AGBL1: variants seen among roughly 807,000 people sequenced by gnomAD.
The protein encoded by AGBL1 is cytosolic carboxypeptidase 4.
Under a neutral mutation model 118.9 loss-of-function variants are expected in AGBL1, and 130 were observed. That is an observed-to-expected ratio of 1.09 (90% confidence interval 0.95 to 1.26). The LOEUF is 1.26. AGBL1 is among the 50% of genes most tolerant of loss of function. AGBL1 has a pLI of 0.00. For missense variants in AGBL1, 1,584 were observed against 1,298.1 expected (o/e 1.22, Z -3.38); for synonymous variants, 555 against 478.9 (o/e 1.16, Z -2.08).
At chr15:86,731,115 G>A (rs993292325) in intron 22 of AGBL1, among the ~76,000 whole-genome samples, 1 of 152,152 alleles carries the variant, frequency 6.6e-6, no homozygotes, top group African/African-American at 2.4e-5. Context: ...ACAGGTGTAA[G>A]CCACTGCACC....
chr15:86,149,247 A>G (rs2077073881), intron 3 of AGBL1, among the ~76,000 whole-genome samples: 1 of 152,230 alleles, frequency 6.6e-6, no homozygotes, highest in Admixed American at 6.5e-5. Flanking sequence ...AGCTGACATG[A>G]TAACGACAGG....
chr15:86,514,828 T>C (rs12439183), intron 18 of AGBL1, among the ~76,000 whole-genome samples: 69,198 of 151,938 alleles, frequency 0.46, 16,548 homozygotes, highest in East Asian at 0.69. Context: ...TTATTGTTCA[T>C]CTCCTTCATT....
chr15:86,890,031 T>C (rs2080028834), intron 22 of AGBL1, among the ~76,000 whole-genome samples: 1 of 152,184 alleles, frequency 6.6e-6, no homozygotes, highest in East Asian at 1.9e-4. Context: ...AAAGTGTTCC[T>C]TTTTCTCTGC....
intron 17 of AGBL1, among the ~76,000 whole-genome samples, chr15:86,317,350 C>G (rs1476508623): frequency 6.6e-6 from 1 of 152,078 alleles, no homozygotes; most frequent in Non-Finnish European, 1.5e-5. Context: ...ATATCCTATC[C>G]GCACAGAGAT....
intron 18 of AGBL1, among the ~76,000 whole-genome samples, chr15:86,398,337 G>A (rs2081397614): frequency 6.6e-6 from 1 of 152,132 alleles, no homozygotes; most frequent in African/African-American, 2.4e-5. Context: ...CATCCACAAA[G>A]AGGTCTTTCA....
At chr15:86,757,092 T>C (rs1013610119) in intron 22 of AGBL1, among the ~76,000 whole-genome samples, 1 of 152,062 alleles carries the variant, frequency 6.6e-6, no homozygotes, top group African/African-American at 2.4e-5. Context: ...CAGTATACGA[T>C]TTTCTGAGTA....
intron 17 of AGBL1, among the ~76,000 whole-genome samples, chr15:86,299,376 A>T (rs1444358237): frequency 6.6e-6 from 1 of 152,124 alleles, no homozygotes; most frequent in Non-Finnish European, 1.5e-5. Context: ...GCCTGGCATC[A>T]GGGACTCTGA....
intron 20 of AGBL1, among the ~76,000 whole-genome samples, chr15:86,553,146 C>T (rs781107000): frequency 1.6e-4 from 24 of 152,188 alleles, no homozygotes; most frequent in Non-Finnish European, 2.8e-4. Context: ...TAAGGCTTCA[C>T]TATTGTCTAA....
intron 22 of AGBL1, among the ~76,000 whole-genome samples, chr15:86,687,096 C>T (rs1728946272): frequency 6.6e-6 from 1 of 151,438 alleles, no homozygotes; most frequent in South Asian, 2.1e-4. Context: ...TTCCAGATAT[C>T]AATGGCAAAA....
chr15:86,871,345 T>A (rs763195563), intron 22 of AGBL1, among the ~76,000 whole-genome samples: 3 of 152,160 alleles, frequency 2.0e-5, no homozygotes, highest in Admixed American at 2.0e-4. Context: ...ACTGTTTCAA[T>A]AGGAAGCCCA....
intron 18 of AGBL1, among the ~76,000 whole-genome samples, chr15:86,498,306 T>C (rs1341026397): frequency 6.6e-6 from 1 of 151,978 alleles, no homozygotes; most frequent in East Asian, 1.9e-4. Context: ...AGTAGACTTC[T>C]TGGGATTATG....
intron 24 of AGBL1, among the ~76,000 whole-genome samples, chr15:87,011,926 A>G (rs2081564315): frequency 6.6e-6 from 1 of 152,176 alleles, no homozygotes; most frequent in Admixed American, 6.5e-5. Context: ...AGTTTTGAAG[A>G]TGAGAACAAG....
chr15:86,736,082 GAATA>G (rs1429630610), intron 22 of AGBL1, among the ~76,000 whole-genome samples: 1 of 152,018 alleles, frequency 6.6e-6, no homozygotes, highest in Admixed American at 6.6e-5. Context: ...TAAATATTAT[GAATA>G]AATAAAGTTT....
intron 20 of AGBL1, among the ~76,000 whole-genome samples, chr15:86,550,742 C>T (rs1473593022): frequency 6.6e-6 from 1 of 151,966 alleles, no homozygotes; most frequent in Non-Finnish European, 1.5e-5. Context: ...CCTGACTTAA[C>T]TTACATATAG....
At chr15:86,184,821 T>C (rs900623726) in intron 5 of AGBL1, among the ~76,000 whole-genome samples, 10 of 152,182 alleles carry the variant, frequency 6.6e-5, no homozygotes, top group Non-Finnish European at 1.2e-4. Context: ...AGAGCCCGCA[T>C]TGCCAAGACA....
chr15:86,794,127 G>C (rs564294393), intron 22 of AGBL1, among the ~76,000 whole-genome samples: 35 of 152,274 alleles, frequency 2.3e-4, no homozygotes, highest in African/African-American at 8.4e-4. Context: ...GAAAACATAT[G>C]TTCAAACAAA....
At chr15:87,007,477 G>T (rs572562564) in intron 24 of AGBL1, among the ~76,000 whole-genome samples, 32 of 152,092 alleles carry the variant, frequency 2.1e-4, no homozygotes, top group African/African-American at 7.7e-4. Flanking sequence ...GTTCAATATT[G>T]GTATTTCTGA....
chr15:86,534,326 T>C (rs954392512), intron 19 of AGBL1, among the ~76,000 whole-genome samples: 3 of 152,154 alleles, frequency 2.0e-5, no homozygotes, highest in Non-Finnish European at 4.4e-5. Context: ...AGAAGTACCA[T>C]TTGAGCTGGA....
intron 23 of AGBL1, among the ~76,000 whole-genome samples, chr15:86,969,683 A>G (rs149565537): frequency 2.0e-5 from 3 of 152,114 alleles, no homozygotes; most frequent in Non-Finnish European, 4.4e-5. Flanking sequence ...GGGTAGATGT[A>G]CATATATATC....
Sources: gnomAD v4.1 joint callset for allele counts (sites outside exome capture counted in the v4.1 genomes callset) on GRCh38, gnomAD v4.1.1 for gene constraint, MANE v1.5 for transcripts, NCBI Gene and HGNC (gene_info 2026-07-23, HGNC 2026-07-21) for gene names.